The following TMEM150C variants were observed in gnomAD, a reference collection of about 807,000 sequenced individuals.
TMEM150C encodes the protein transmembrane protein 150C.
A neutral mutation model predicts 29.9 loss-of-function variants in TMEM150C; 10 were observed. The ratio of observed to expected loss-of-function variants is 0.33; its 90% CI spans 0.21 to 0.57. TMEM150C has a LOEUF of 0.57. Ranked by LOEUF, TMEM150C falls within the 20% of genes least tolerant of loss-of-function variation. TMEM150C has a pLI of 0.88. For missense variants in TMEM150C, 251 were observed against 303.6 expected (o/e 0.83, Z 1.29); for synonymous variants, 101 against 112.5 (o/e 0.90, Z 0.64).
intron 5 of TMEM150C, among the ~76,000 whole-genome samples, chr4:82,498,794 T>A (rs1048191275): frequency 1.3e-5 from 2 of 152,190 alleles, no homozygotes; most frequent in African/African-American, 4.8e-5. Flanking sequence ...CATTATCTAT[T>A]TCTGTCCAGT....
intron 1 of TMEM150C, among the ~76,000 whole-genome samples, chr4:82,555,152 C>T (rs1240024714): frequency 6.6e-6 from 1 of 152,182 alleles, no homozygotes; most frequent in African/African-American, 2.4e-5. Flanking sequence ...TATTTCCAGC[C>T]TCACTTTCAA....
chr4:82,537,579 G>A (rs1725053165), intron 1 of TMEM150C, among the ~76,000 whole-genome samples: 1 of 152,176 alleles, frequency 6.6e-6, no homozygotes, highest in African/African-American at 2.4e-5. Flanking sequence ...CAGAGGATGT[G>A]TCCAAGACCT....
intron 1 of TMEM150C, among the ~76,000 whole-genome samples, chr4:82,537,270 C>T (rs1320604140): frequency 6.6e-6 from 1 of 152,168 alleles, no homozygotes; most frequent in Non-Finnish European, 1.5e-5. Flanking sequence ...CAGGCGTGAG[C>T]CACCGCGTCC....
intron 1 of TMEM150C, among the ~76,000 whole-genome samples, chr4:82,512,465 T>C (rs1340127302): frequency 6.6e-6 from 1 of 152,206 alleles, no homozygotes; most frequent in African/African-American, 2.4e-5. Context: ...CTCCTTCCAT[T>C]ATAATTCGGT....
Position 82,485,606 on chromosome 4 carries a change from G to A in TMEM150C, c.655C>T (p.Arg219Cys), listed in dbSNP as rs373716928. ...GTFAVEFRHYRYEIVCSEYQE... is the reference protein window; with the variant it reads ...GTFAVEFRHYCYEIVCSEYQE... ...TACTCAGAGCAAACAATCTCATAGC[G>A]GTAATGCCGGAACTCCACGGCAAAG... Residue 219 changes from arginine (R) to cysteine (C), a missense_variant, in exon 8 of 8, where the codon CGC (arginine) becomes TGC (cysteine). Physicochemically the swap from Arg to Cys is radical, Grantham distance 180 (BLOSUM62 -3). Transcript: ENST00000449862. 3.7e-6 allele frequency: 6 copies of A among 1,610,726 alleles called. No individual in the cohort carries two copies. Among genetic ancestry groups the A allele is most frequent in the Non-Finnish European group, 4.2e-6 (5 of 1,178,592 alleles).
intron 7 of TMEM150C, among the ~76,000 whole-genome samples, chr4:82,487,897 A>G (rs1035282356): frequency 1.3e-5 from 2 of 151,612 alleles, no homozygotes; most frequent in South Asian, 4.2e-4. Context: ...GATATACTTT[A>G]TTTCTTTCTA....
In TMEM150C at chr4:82,485,550, G is replaced by C; in HGVS notation, c.711C>G (p.Ser237Arg). ...YQENFLSFSE[S>R]LSEASEYQTD... ...TCTGATATTCAGAAGCTTCTGACAGGCTTTCTGAGAAGCTTAGGAAATTCT... is the reference window on the plus strand; with the variant it reads ...TCTGATATTCAGAAGCTTCTGACAGCCTTTCTGAGAAGCTTAGGAAATTCT... The change falls in exon 8 of 8, where the codon AGC becomes AGG. Residue 237 changes from serine (S) to arginine (R), a missense_variant. Ser to Arg is a moderately radical substitution (Grantham distance 110). Coordinates refer to ENST00000449862, the MANE Select transcript of TMEM150C (RefSeq NM_001080506.3). The C allele has an allele frequency of 1.2e-6, 2 of 1,609,098 alleles. No homozygotes were observed. The highest frequency in any genetic ancestry group is 8.5e-7 in the Non-Finnish European group (1 of 1,177,758).
chr4:82,485,449 G>A lies in TMEM150C; in HGVS notation c.*62C>T, dbSNP rs952161037. ...AGGTTCTATGTCAAGTCCTGTGAGT[G>A]TGTCCTACTGGCCCCTCCCCCACTG... On this transcript the variant is annotated 3_prime_UTR_variant, in exon 8 of 8. Coordinates refer to ENST00000449862, the MANE Select transcript of TMEM150C (RefSeq NM_001080506.3). 1.9e-5 allele frequency: 24 copies of A among 1,260,492 alleles called. No individual in the cohort carries two copies. The highest frequency in any genetic ancestry group is 2.4e-5 in the Non-Finnish European group (21 of 885,770). The allele number at this position is 1,260,492 out of a possible 1,614,324, so 78.1% of individuals were successfully genotyped here. A position where few individuals can be genotyped will look rare whatever the true frequency, so the allele number is the denominator to read the frequency against.
chr4:82,485,935 T>TACTTA (rs1434685820), intron 7 of TMEM150C, among the ~76,000 whole-genome samples: 2 of 152,250 alleles, frequency 1.3e-5, no homozygotes, highest in Non-Finnish European at 2.9e-5. Flanking sequence ...GGTGCTTTCA[T>TACTTA]GGATAGTATC....
intron 7 of TMEM150C, among the ~76,000 whole-genome samples, chr4:82,488,702 T>C (rs1723237041): frequency 6.6e-6 from 1 of 152,100 alleles, no homozygotes; most frequent in East Asian, 1.9e-4. Context: ...CAGCCTCAAA[T>C]TCCTGGGATC....
chr4:82,537,130 A>G (rs998126395), intron 1 of TMEM150C, among the ~76,000 whole-genome samples: 1 of 151,998 alleles, frequency 6.6e-6, no homozygotes, highest in Non-Finnish European at 1.5e-5. Context: ...TACAGGCGCC[A>G]GCCACCACAC....
intron 7 of TMEM150C, among the ~76,000 whole-genome samples, chr4:82,488,155 C>T (rs1419274372): frequency 6.6e-6 from 1 of 152,200 alleles, no homozygotes; most frequent in Non-Finnish European, 1.5e-5. Context: ...GTCCTCACAG[C>T]TTAGCTCCCA....
At chr4:82,537,946 C>A (rs370969638) in intron 1 of TMEM150C, among the ~76,000 whole-genome samples, 24 of 152,250 alleles carry the variant, frequency 1.6e-4, no homozygotes, top group East Asian at 5.8e-4. Context: ...CTGTTTTAAG[C>A]CACAAAGTCT....
intron 1 of TMEM150C, among the ~76,000 whole-genome samples, chr4:82,517,920 C>T (rs565732655): frequency 3.9e-5 from 6 of 152,288 alleles, no homozygotes; most frequent in South Asian, 2.1e-4. Context: ...AAATGAAGCA[C>T]GTAGAGCAAT....
intron 6 of TMEM150C, chr4:82,495,237 T>G: frequency 3.6e-6 from 1 of 275,216 alleles, no homozygotes. Flanking sequence ...GGTCAGGAGA[T>G]CAAGACCATC....
At chr4:82,492,806 AAAAAC>A (rs1475401533) in intron 6 of TMEM150C, among the ~76,000 whole-genome samples, 7,822 of 134,360 alleles carry the variant, frequency 0.058, 370 homozygotes, top group African/African-American at 0.068. Context: ...AAAAAAAAAA[AAAAAC>A]AACAAAGTCT....
intron 1 of TMEM150C, among the ~76,000 whole-genome samples, chr4:82,524,192 C>CG (rs1034148533): frequency 1.3e-5 from 2 of 151,552 alleles, no homozygotes; most frequent in African/African-American, 2.4e-5. Flanking sequence ...GGCGTGAACC[C>CG]GGGGGGCGGA....
chr4:82,530,354 G>A (rs969700167), intron 1 of TMEM150C, among the ~76,000 whole-genome samples: 10 of 151,970 alleles, frequency 6.6e-5, no homozygotes, highest in East Asian at 1.9e-4. Flanking sequence ...TTAGGAGATC[G>A]AGACCATCCT....
At chr4:82,558,718 A>G (rs905918602) in intron 1 of TMEM150C, among the ~76,000 whole-genome samples, 2 of 152,254 alleles carry the variant, frequency 1.3e-5, no homozygotes, top group East Asian at 3.8e-4. Flanking sequence ...TAAAATACTT[A>G]GAACAACTAT....
Sources: allele counts gnomAD v4.1 joint callset (sites outside exome capture counted in the v4.1 genomes callset), GRCh38; gene constraint gnomAD v4.1.1; transcripts MANE v1.5; gene names NCBI Gene and HGNC (gene_info 2026-07-23, HGNC 2026-07-21).